Variants in FLII observed in about 807,000 individuals in gnomAD.
FLII encodes FLII actin remodeling protein, also known as protein flightless-1 homolog.
Under a neutral mutation model 156.2 loss-of-function variants are expected in FLII, and 101 were observed. That is an observed-to-expected ratio of 0.65 (90% CI 0.55 to 0.76). FLII has a LOEUF of 0.76. Ranked by LOEUF, FLII falls within the 30% of genes least tolerant of loss-of-function variation. The pLI is 0.00. For synonymous variants in FLII, 767 were observed against 685.8 expected, an observed-to-expected ratio of 1.12 and a Z score of -1.85; for missense variants, 1,675 against 1,682.8, an observed-to-expected ratio of 1.00 and a Z score of 0.08.
At chr17:18,247,121 C>CGGGGGGGGGGGGGCG in intron 21 of FLII, 48 bp downstream of exon 21, 1 of 1,398,092 alleles carries the variant, frequency 7.2e-7, no homozygotes, top group Non-Finnish European at 9.4e-7. Context: ...CGCCCTCGGC[C>CGGGGGGGGGGGGGCG]TGCCCCCCAC....
intron 23 of FLII, 35 bp from the exon 24 acceptor site, chr17:18,246,497 G>C: frequency 1.9e-6 from 3 of 1,612,920 alleles, no homozygotes; most frequent in Non-Finnish European, 1.7e-6. Context: ...CAGCTCCCTG[G>C]ACCCCCACCT....
chr17:18,248,662 A>T lies in FLII; in HGVS notation c.2078T>A (p.Leu693Gln). ...ERKGKAEITL[L>Q]VQGQELPEFW... ...CTCTGGGAGCTCCTGGCCCTGCACCAGCAGTGTGATCTCAGCCTTCCCTTT... is the reference window on the plus strand; with the variant it reads ...CTCTGGGAGCTCCTGGCCCTGCACCTGCAGTGTGATCTCAGCCTTCCCTTT... Residue 693 changes from leucine (L) to glutamine (Q), a missense_variant, in exon 18 of 30, where the codon CTG (leucine) becomes CAG (glutamine). Coordinates refer to ENST00000327031, the MANE Select transcript of FLII (RefSeq NM_002018.4). 6.2e-7 allele frequency: 1 copy of T among 1,614,074 alleles called. No homozygotes were observed.
In FLII at chr17:18,253,448, CA is replaced by C; in HGVS notation, c.865del (p.Cys289AlafsTer3). On this transcript the variant is annotated frameshift_variant, in exon 9 of 30. Coordinates refer to ENST00000327031, the MANE Select transcript of FLII (RefSeq NM_002018.4). LOFTEE classifies it high-confidence loss of function. ...CAGCTTCTTCAGCTTGCTCAGCTTG[CA>C]AATGGCTGACTGGAGGGGGAACGGG... ...NQLTSLPSAICKLSKLKKLYL... is the reference protein window; with the variant it reads ...NQLTSLPSAIXKLSKLKKLYL... 6.2e-7 allele frequency: 1 copy of C among 1,613,852 alleles called. No homozygotes were observed. Among genetic ancestry groups the C allele is most frequent in the Non-Finnish European group, 8.5e-7 (1 of 1,180,032 alleles).
In FLII at chr17:18,244,951, T is replaced by G; in HGVS notation, c.*187A>C. 3.0e-6 allele frequency: 2 copies of G among 658,958 alleles called. No individual in the cohort carries two copies. The highest frequency in any genetic ancestry group is 2.0e-5 in the South Asian group (1 of 49,940). 40.8% of individuals were successfully genotyped at this position (658,958 alleles called of 1,614,324 possible). A position where few individuals can be genotyped will look rare whatever the true frequency, so the allele number is the denominator to read the frequency against. On this transcript the variant is annotated 3_prime_UTR_variant, in exon 30 of 30. Transcript: ENST00000327031. The stretch of plus-strand genomic sequence containing the variant: ...CGTGCACTCACACTGTGGAGAGAGT[T>G]GGATTTCCCAGACCCCTGAGGGCAC...
At chr17:18,249,651 G>T (rs560938327) in intron 14 of FLII, among the ~76,000 whole-genome samples, 188 of 152,220 alleles carry the variant, frequency 1.2e-3, no homozygotes, top group Admixed American at 3.5e-3. Flanking sequence ...TTAGCCAGGC[G>T]TGGTGGTGCA....
intron 18 of FLII, among the ~76,000 whole-genome samples, 185 bp downstream of exon 18, chr17:18,248,365 G>T (rs567506242): frequency 6.6e-6 from 1 of 152,098 alleles, no homozygotes; most frequent in Admixed American, 6.5e-5. Flanking sequence ...GAAAGACTCC[G>T]TGAGGCTACT....
chr17:18,251,342 C>G lies in FLII; in HGVS notation c.1519G>C (p.Glu507Gln). The G allele has an allele frequency of 6.2e-7, 1 of 1,613,922 alleles. No homozygotes were observed. The highest frequency in any genetic ancestry group is 8.5e-7 in the Non-Finnish European group (1 of 1,180,042). Residue 507 changes from glutamate to glutamine, a missense_variant, in exon 13 of 30, where the codon GAG (glutamate) becomes CAG (glutamine). This residue lies in a region of FLII where 1,332 missense variants were observed against 1,269.3 expected (regional missense o/e 1.05). Transcript: ENST00000327031. ...TCCACCAGCACAGGCACGAAGTTCT[C>G]TATCTGCCAGATGGTCAGTCCGGGC... ...QLPGLTIWQI[E>Q]NFVPVLVEEA...
rs558789597 is a variant in FLII at position 18,254,033 on chromosome 17, G to A, written c.679+46C>T. 201 of 1,457,210 alleles carry A rather than the reference G, an allele frequency of 1.4e-4. 2 individuals carry two copies. Among genetic ancestry groups the A allele is most frequent in the Middle Eastern group, 3.5e-4 (2 of 5,692 alleles). 90.3% of individuals were successfully genotyped at this position (1,457,210 alleles called of 1,614,324 possible). A position where few individuals can be genotyped will look rare whatever the true frequency, so the allele number is the denominator to read the frequency against. ...CCCTTCCACCCAAGGAAGCAAGAGG[G>A]CCCAGAGGGGGCCCGAGCTCAGAGG... is the stretch of plus-strand genomic sequence containing the variant. On this transcript the variant is annotated intron_variant, in intron 7 of 29. Coordinates refer to ENST00000327031, the MANE Select transcript of FLII (RefSeq NM_002018.4).
rs765742788 is a variant in FLII, at chr17:18,249,388, G to C, written c.1797C>G (p.Ser599=). The C allele has an allele frequency of 1.4e-5, 23 of 1,614,106 alleles. 1 individual carries two copies. The East Asian group carries it at 5.1e-4, about 36-fold the overall frequency. ...EFLQVFDNDI[S]YIEGGTASGF... is the part of the protein sequence containing the mutation. Reference sequence around the variant, plus strand: ...CACTGGCTGTTCCACCCTCAATGTAGGAGATGTCGTTGTCAAACACCTGTG... The same window carrying C: ...CACTGGCTGTTCCACCCTCAATGTACGAGATGTCGTTGTCAAACACCTGTG... The change falls in exon 15 of 30, where the codon TCC becomes TCG. Residue 599 remains serine, a synonymous_variant. Transcript: ENST00000327031.
chr17:18,251,658 T>C, intron 12 of FLII, 22 bp downstream of exon 12: 1 of 1,613,790 alleles, frequency 6.2e-7, no homozygotes, highest in Non-Finnish European at 8.5e-7. Context: ...CCCTGCCTTG[T>C]CCCAACCCTG....
At chr17:18,248,054 G>A in intron 18 of FLII, 21 bp from the exon 19 acceptor site, 1 of 1,553,402 alleles carries the variant, frequency 6.4e-7, no homozygotes, top group Non-Finnish European at 8.9e-7. Flanking sequence ...GGATGAGCAT[G>A]GCAGGGAAGG....
chr17:18,251,455 G>A lies in FLII; in HGVS notation c.1406C>T (p.Pro469Leu), dbSNP rs770652454. The A allele has an allele frequency of 6.8e-6, 11 of 1,608,222 alleles. No homozygotes were observed. Among genetic ancestry groups the A allele is most frequent in the Non-Finnish European group, 9.3e-6 (11 of 1,176,982 alleles). The change falls in exon 13 of 30, where the codon CCC becomes CTC. Residue 469 changes from proline (P) to leucine (L), a missense_variant. By Grantham distance (98) the Pro-to-Leu change is moderately conservative (BLOSUM62 -3). Transcript: ENST00000327031. ...GTCCCAACGCCGCACCTTCCCGCTG[G>A]GGGCCCGGGCATCTGCGCTCTCCTG... ...KQEESADARA[P>L]SGKVRRWDQG...
At chr17:18,249,440 T>C in intron 14 of FLII, 32 bp from the exon 15 acceptor site, 3 of 1,572,118 alleles carry the variant, frequency 1.9e-6, no homozygotes, top group Non-Finnish European at 2.6e-6. Flanking sequence ...TCTTCATCAC[T>C]GAGCTGCCCC....
chr17:18,254,204 T>A, intron 6 of FLII, 22 bp from the exon 7 acceptor site: 3 of 1,582,380 alleles, frequency 1.9e-6, no homozygotes, highest in Non-Finnish European at 2.6e-6. Context: ...ACGTGAGTGG[T>A]CAGGGCCAGG....
Position 18,245,288 on chromosome 17 carries a change from C to G in FLII, c.3676-16G>C. On this transcript the variant is annotated splice_polypyrimidine_tract_variant and intron_variant, in intron 29 of 29. Coordinates refer to ENST00000327031, the MANE Select transcript of FLII (RefSeq NM_002018.4). ...GGATATATACCTGGCAAGGGGACAG[C>G]GAGCCTTGGGTGATGACCCTGCCCT... 1.9e-6 allele frequency: 3 copies of G among 1,612,232 alleles called. No homozygotes were observed. The highest frequency in any genetic ancestry group is 2.5e-6 in the Non-Finnish European group (3 of 1,178,484).
rs754085652 is a variant in FLII, at chr17:18,249,337, G to A, written c.1848C>T (p.His616=). ...CCACACACCCTCACCTGGTGACATA[G>A]TGTGTGTCTTCCACAGTGTAGAAGC... ...ASGFYTVEDT[H]YVTRMYRVYG... is the part of the protein sequence containing the mutation. Residue 616 remains histidine, a synonymous_variant, in exon 15 of 30, where the codon CAC becomes CAT. Transcript: ENST00000327031. 2 of 1,614,058 alleles carry A rather than the reference G, an allele frequency of 1.2e-6. No individual in the cohort carries two copies. Among genetic ancestry groups the A allele is most frequent in the Non-Finnish European group, 1.7e-6 (2 of 1,179,956 alleles).
rs2048301093 is a variant in FLII, at chr17:18,252,496, G to C, written c.1074C>G (p.Ala358=). The change falls in exon 10 of 30, where the codon GCC becomes GCG. Residue 358 remains alanine (A), a synonymous_variant. Transcript: ENST00000327031. ...NKNHLVTLPE[A]IHFLTEIEVL... is the part of the protein sequence containing the mutation. ...CCTCGATCTCCGTCAGGAAATGGAT[G>C]GCTTCTGGGAGGGTCACCAGGTGGT... 6.2e-7 allele frequency: 1 copy of C among 1,613,752 alleles called. No individual in the cohort carries two copies. Among genetic ancestry groups the C allele is most frequent in the Non-Finnish European group, 8.5e-7 (1 of 1,179,988 alleles).
chr17:18,248,868 C>T lies in FLII; in HGVS notation c.1950G>A (p.Leu650=). The change falls in exon 17 of 30, where the codon CTG becomes CTA. Residue 650 remains leucine, a synonymous_variant. Transcript: ENST00000327031. ...TSLDPRFVFL[L]DRGLDIYVWR... ...ATACGTAGATGTCTAGCCCTCGGTC[C>T]AGCAGGAAAACAAACCTGGACAAGA... is the stretch of plus-strand genomic sequence containing the variant. 6.2e-7 allele frequency: 1 copy of T among 1,613,852 alleles called. No individual in the cohort carries two copies. The highest frequency in any genetic ancestry group is 1.7e-5 in the Admixed American group (1 of 60,018).
chr17:18,252,099 G>GC lies in FLII; in HGVS notation c.1145_1146insG (p.Ala383ArgfsTer6). On this transcript the variant is annotated frameshift_variant, in exon 11 of 30. Transcript: ENST00000327031. LOFTEE classifies it high-confidence loss of function. ...TGTACCACTCAGCGGCACGGTCTGC[G>GC]GGCTTGGGCGGCATGACCAGGTTGG... The GC allele has an allele frequency of 6.2e-7, 1 of 1,613,422 alleles. No homozygotes were observed. Among genetic ancestry groups the GC allele is most frequent in the Non-Finnish European group, 8.5e-7 (1 of 1,180,028 alleles).
Sources: allele counts gnomAD v4.1 joint callset (sites outside exome capture counted in the v4.1 genomes callset), GRCh38; gene constraint gnomAD v4.1.1; regional missense constraint gnomAD v4.1.1; transcripts MANE v1.5; gene names NCBI Gene and HGNC (gene_info 2026-07-23, HGNC 2026-07-21).